TRPC4: variants seen among roughly 807,000 people sequenced by gnomAD.
The protein encoded by TRPC4 is short transient receptor potential channel 4.
In TRPC4, 49 loss-of-function variants were observed where a neutral mutation model predicts 99.4. The observed-to-expected ratio is 0.49, with a 90% CI of 0.39 to 0.63. The LOEUF is 0.63. Ranked by LOEUF, TRPC4 falls within the 20% of genes least tolerant of loss-of-function variation. TRPC4 has a pLI of 0.00. For missense variants in TRPC4, 898 were observed against 1,152.9 expected, an observed-to-expected ratio of 0.78 and a Z score of 3.20; for synonymous variants, 454 against 425.9, an observed-to-expected ratio of 1.07 and a Z score of -0.81.
At chr13:37,858,109 T>G (rs1959189215) in intron 1 of TRPC4, among the ~76,000 whole-genome samples, 1 of 151,664 alleles carries the variant, frequency 6.6e-6, no homozygotes, top group South Asian at 2.1e-4. Flanking sequence ...GCAAAAGATT[T>G]GAATAGATAT....
intron 3 of TRPC4, among the ~76,000 whole-genome samples, chr13:37,735,265 A>G (rs138481147): frequency 9.3e-4 from 142 of 152,262 alleles, no homozygotes; most frequent in African/African-American, 3.4e-3. Context: ...GCAGAAGTTT[A>G]TATCTCAAAA....
At chr13:37,741,625 C>T (rs2139135205) in intron 3 of TRPC4, among the ~76,000 whole-genome samples, 1 of 152,254 alleles carries the variant, frequency 6.6e-6, no homozygotes, top group Non-Finnish European at 1.5e-5. Context: ...AGGCTTCACA[C>T]TCTTTGGAGA....
At chr13:37,865,811 C>T (rs1959705787) in intron 1 of TRPC4, among the ~76,000 whole-genome samples, 1 of 151,656 alleles carries the variant, frequency 6.6e-6, no homozygotes, top group East Asian at 1.9e-4. Flanking sequence ...CCTGCCTTCC[C>T]ACAAAGCAAT....
intron 3 of TRPC4, among the ~76,000 whole-genome samples, chr13:37,718,908 T>G (rs58676099): frequency 7.9e-5 from 12 of 151,910 alleles, no homozygotes; most frequent in South Asian, 2.1e-4. Flanking sequence ...ATACATAAAT[T>G]TACGGAATCA....
At chr13:37,841,399 A>G (rs1478137564) in intron 1 of TRPC4, among the ~76,000 whole-genome samples, 4 of 152,084 alleles carry the variant, frequency 2.6e-5, no homozygotes, top group Non-Finnish European at 5.9e-5. Context: ...GTGGTGTAAA[A>G]GAACAAATAT....
chr13:37,782,455 C>A (rs1956865304), intron 2 of TRPC4, among the ~76,000 whole-genome samples: 1 of 152,040 alleles, frequency 6.6e-6, no homozygotes, highest in African/African-American at 2.4e-5. Context: ...AAAGAATCTA[C>A]TAGAGTTTGT....
intron 1 of TRPC4, among the ~76,000 whole-genome samples, chr13:37,858,025 G>A (rs533587343): frequency 9.4e-4 from 142 of 151,592 alleles, no homozygotes; most frequent in African/African-American, 3.3e-3. Flanking sequence ...ATCTGACAAG[G>A]GTTCAATAAT....
intron 1 of TRPC4, among the ~76,000 whole-genome samples, chr13:37,791,264 C>T (rs753013455): frequency 3.3e-5 from 5 of 151,930 alleles, no homozygotes; most frequent in East Asian, 1.9e-4. Flanking sequence ...GGCATAGTGG[C>T]ATGCACCTGT....
chr13:37,693,183 T>G (rs1214934634), intron 3 of TRPC4, among the ~76,000 whole-genome samples: 1 of 152,204 alleles, frequency 6.6e-6, no homozygotes, highest in Non-Finnish European at 1.5e-5. Flanking sequence ...TTTCTCAACC[T>G]TTCTCATTGG....
chr13:37,715,004 G>A (rs547254152), intron 3 of TRPC4, among the ~76,000 whole-genome samples: 4 of 152,228 alleles, frequency 2.6e-5, no homozygotes, highest in South Asian at 2.1e-4. Context: ...AAGAATAAAG[G>A]CATGTATGCA....
rs1951471348 is a variant in TRPC4 at position 37,634,769 on chromosome 13, C to T, written c.*2134G>A. ...ATCCCAAATATTAACAATAGGCCTA[C>T]AATTTCTCTACTACTGTAGGTATGA... On this transcript the variant is annotated 3_prime_UTR_variant, in exon 11 of 11. Coordinates refer to ENST00000379705, the MANE Select transcript of TRPC4 (RefSeq NM_016179.4). Among the ~76,000 whole-genome samples the T allele has an allele frequency of 6.6e-6, 1 of 152,070 alleles. No individual in the cohort carries two copies. The highest frequency in any genetic ancestry group is 2.4e-5 in the African/African-American group (1 of 41,426).
chr13:37,723,320 C>T (rs951312684), intron 3 of TRPC4, among the ~76,000 whole-genome samples: 18 of 151,758 alleles, frequency 1.2e-4, no homozygotes. Flanking sequence ...GGGTTGTCTA[C>T]AAAACAATGA....
At chr13:37,767,938 T>C (rs954224719) in intron 2 of TRPC4, among the ~76,000 whole-genome samples, 3 of 151,328 alleles carry the variant, frequency 2.0e-5, no homozygotes, top group African/African-American at 7.3e-5. Context: ...TGCAAATAAA[T>C]AGTATCTAAA....
In TRPC4 at chr13:37,843,708, A is replaced by ACG. The variant is rs570988088; in HGVS notation, c.-28+25886_-28+25887insCG. On this transcript the variant is annotated intron_variant, in intron 1 of 10. Transcript: ENST00000379705. ...CACACACACACACACACACACACGC[A>ACG]CACATACACACATGCACACACAGAG... Among the ~76,000 whole-genome samples, 247 of 149,768 alleles carry ACG rather than the reference A, an allele frequency of 1.6e-3. 1 individual carries two copies. Among genetic ancestry groups the ACG allele is most frequent in the African/African-American group, 5.9e-3 (243 of 40,856 alleles).
At chr13:37,745,462 A>ATGCG (rs1555265767) in intron 3 of TRPC4, among the ~76,000 whole-genome samples, 10 of 4,318 alleles carry the variant, frequency 2.3e-3, no homozygotes, top group African/African-American at 4.8e-3. Flanking sequence ...ATATATATAT[A>ATGCG]TATATATATA....
In TRPC4 at chr13:37,671,630, A is replaced by G. The variant is rs116102121; in HGVS notation, c.1374+2598T>C. Among the ~76,000 whole-genome samples, 466 of 152,280 alleles carry G rather than the reference A, an allele frequency of 3.1e-3. 5 individuals carry two copies. The highest frequency in any genetic ancestry group is 0.011 in the African/African-American group (444 of 41,570). Reference sequence around the variant, plus strand: ...GTGCTTATTCTGTAATAGGCACTTTAAATACATCAACTCATTTACTTCTCA... The same window carrying G: ...GTGCTTATTCTGTAATAGGCACTTTGAATACATCAACTCATTTACTTCTCA... On this transcript the variant is annotated intron_variant, in intron 5 of 10. Coordinates refer to ENST00000379705, the MANE Select transcript of TRPC4 (RefSeq NM_016179.4).
chr13:37,674,398 T>G lies in TRPC4; in HGVS notation c.1235-31A>C, dbSNP rs777089523. 7.6e-6 allele frequency: 12 copies of G among 1,588,678 alleles called. No homozygotes were observed. In the South Asian group the frequency reaches 1.4e-4, roughly 19 times the overall value. On this transcript the variant is annotated intron_variant, in intron 4 of 10. Transcript: ENST00000379705. ...ATTATAGAAAGATTCATTGTAAGTA[T>G]GATTTCAATAGAATCACTAAAAAAG...
Position 37,680,563 on chromosome 13 carries a change from C to A in TRPC4, c.1235-6196G>T, listed in dbSNP as rs571903858. On this transcript the variant is annotated intron_variant, in intron 4 of 10. Coordinates refer to ENST00000379705, the MANE Select transcript of TRPC4 (RefSeq NM_016179.4). The stretch of plus-strand genomic sequence containing the variant: ...CCAAAAGCAGTCATCACAATCGCTG[C>A]CATGAGAGATGAAAAACTGCCCTGT... 2.6e-5 allele frequency among the ~76,000 whole-genome samples: 4 copies of A among 152,288 alleles called. No homozygotes were observed. In the South Asian group the frequency reaches 8.3e-4, roughly 32 times the overall value.
intron 2 of TRPC4, among the ~76,000 whole-genome samples, chr13:37,764,105 A>T (rs1006953756): frequency 3.3e-5 from 5 of 151,604 alleles, no homozygotes; most frequent in Non-Finnish European, 7.4e-5. Flanking sequence ...TGGAGACATT[A>T]AAAAGAAGCA....
Sources: allele counts gnomAD v4.1 joint callset (sites outside exome capture counted in the v4.1 genomes callset), GRCh38; gene constraint gnomAD v4.1.1; transcripts MANE v1.5; gene names NCBI Gene and HGNC (gene_info 2026-07-23, HGNC 2026-07-21).